The following ATXN7L1 variants were observed in gnomAD, a reference collection of about 807,000 sequenced individuals.
ATXN7L1 encodes ataxin 7 like 1, also known as ataxin-7-like protein 1.
A neutral mutation model predicts 70.8 loss-of-function variants in ATXN7L1; 15 were observed. That is an observed-to-expected ratio of 0.21 (90% CI 0.14 to 0.33). The LOEUF (loss-of-function observed/expected upper bound fraction) is 0.33, where lower values mean the gene tolerates loss of function less well. ATXN7L1 is among the 10% of genes least tolerant of loss of function. The pLI, the probability that ATXN7L1 is intolerant of heterozygous loss-of-function variation, is 1.00. For missense variants in ATXN7L1, 975 were observed against 1,097.1 expected, an observed-to-expected ratio of 0.89 and a Z score of 1.57; for synonymous variants, 440 against 445.1, an observed-to-expected ratio of 0.99 and a Z score of 0.14.
intron 10 of ATXN7L1, 95 bp from the exon 11 acceptor site, chr7:105,610,698 A>C (rs1793068728): frequency 2.9e-6 from 3 of 1,021,144 alleles, no homozygotes; most frequent in South Asian, 1.5e-5. Flanking sequence ...AGGGCTGCAC[A>C]ATGCCTCCTT....
intron 2 of ATXN7L1, among the ~76,000 whole-genome samples, chr7:105,854,390 T>C (rs747237278): frequency 2.0e-5 from 3 of 150,394 alleles, no homozygotes; most frequent in Non-Finnish European, 4.4e-5. Flanking sequence ...TGAGCGTCTG[T>C]CAGGGGCTGA....
intron 3 of ATXN7L1, among the ~76,000 whole-genome samples, chr7:105,780,942 T>C (rs942573833): frequency 6.6e-6 from 1 of 152,132 alleles, no homozygotes. Context: ...AAGCATGAAA[T>C]ACAGTATAAT....
intron 3 of ATXN7L1, among the ~76,000 whole-genome samples, chr7:105,696,940 G>A (rs1359028937): frequency 6.6e-6 from 1 of 152,140 alleles, no homozygotes; most frequent in African/African-American, 2.4e-5. Context: ...ACGTTGGTAG[G>A]ATCCGTGATG....
chr7:105,841,918 A>G (rs1209415603), intron 2 of ATXN7L1, among the ~76,000 whole-genome samples: 1 of 152,172 alleles, frequency 6.6e-6, no homozygotes, highest in Non-Finnish European at 1.5e-5. Flanking sequence ...CCTAGCACAT[A>G]GTGGGTACTT....
intron 2 of ATXN7L1, among the ~76,000 whole-genome samples, chr7:105,858,103 T>G (rs1462233194): frequency 6.6e-6 from 1 of 152,042 alleles, no homozygotes; most frequent in Non-Finnish European, 1.5e-5. Context: ...TGGTAGTATG[T>G]GCCTGTAGCC....
intron 7 of ATXN7L1, among the ~76,000 whole-genome samples, chr7:105,624,748 G>C (rs1463298266): frequency 4.6e-5 from 7 of 151,982 alleles, no homozygotes; most frequent in Non-Finnish European, 1.0e-4. Flanking sequence ...AAGGCTGAAG[G>C]GTTTGCAGTG....
intron 2 of ATXN7L1, among the ~76,000 whole-genome samples, chr7:105,837,223 T>C (rs1478748237): frequency 6.6e-6 from 1 of 152,036 alleles, no homozygotes; most frequent in Non-Finnish European, 1.5e-5. Flanking sequence ...AGGCCCCACC[T>C]CCAACACTGA....
intron 3 of ATXN7L1, among the ~76,000 whole-genome samples, chr7:105,750,113 A>G (rs3601): frequency 0.28 from 42,949 of 151,602 alleles, 7,270 homozygotes; most frequent in Non-Finnish European, 0.37. Flanking sequence ...TGTAGACTGC[A>G]GGCACTTTAG....
intron 3 of ATXN7L1, among the ~76,000 whole-genome samples, chr7:105,723,644 G>A (rs1296296616): frequency 1.3e-5 from 2 of 152,208 alleles, no homozygotes. Context: ...TGCACTTTGT[G>A]TCAAAGCCCA....
intron 3 of ATXN7L1, among the ~76,000 whole-genome samples, chr7:105,752,829 G>A (rs747324038): frequency 6.6e-6 from 1 of 152,160 alleles, no homozygotes; most frequent in Non-Finnish European, 1.5e-5. Flanking sequence ...CCTCAACACA[G>A]TGGCCGCACC....
At chr7:105,633,444 G>A (rs1235699899) in intron 7 of ATXN7L1, among the ~76,000 whole-genome samples, 1 of 152,164 alleles carries the variant, frequency 6.6e-6, no homozygotes, top group Non-Finnish European at 1.5e-5. Flanking sequence ...CAGGCTGGGT[G>A]CGGTGGCTCA....
intron 3 of ATXN7L1, among the ~76,000 whole-genome samples, chr7:105,692,390 C>CT (rs1791024446): frequency 8.9e-6 from 1 of 112,190 alleles, no homozygotes; most frequent in Non-Finnish European, 1.8e-5. Context: ...TCCTTCCTTC[C>CT]TTCCTTCCTT....
intron 2 of ATXN7L1, among the ~76,000 whole-genome samples, chr7:105,838,283 T>C (rs1316002449): frequency 1.3e-5 from 2 of 152,228 alleles, no homozygotes; most frequent in Admixed American, 1.3e-4. Flanking sequence ...CTGAGCATGC[T>C]GCCAGGAGCC....
intron 3 of ATXN7L1, among the ~76,000 whole-genome samples, chr7:105,727,889 G>A (rs1220729269): frequency 1.3e-5 from 2 of 149,860 alleles, no homozygotes; most frequent in East Asian, 3.9e-4. Context: ...TGTTTGGACA[G>A]ACACATCCCA....
chr7:105,758,589 G>GC (rs1273192655), intron 3 of ATXN7L1, among the ~76,000 whole-genome samples: 3 of 152,182 alleles, frequency 2.0e-5, no homozygotes, highest in Non-Finnish European at 2.9e-5. Context: ...TGGCTCTGTG[G>GC]CCCCCTGCCA....
At chr7:105,700,168 T>C (rs181737814) in intron 3 of ATXN7L1, among the ~76,000 whole-genome samples, 42 of 152,214 alleles carry the variant, frequency 2.8e-4, no homozygotes, top group African/African-American at 8.9e-4. Context: ...ATGTTTTCTT[T>C]TGTGAAAGGA....
At chr7:105,740,768 C>CTTTTTTTTTTTTTT (rs1563055385) in intron 3 of ATXN7L1, among the ~76,000 whole-genome samples, 1 of 98,244 alleles carries the variant, frequency 1.0e-5, no homozygotes, top group Non-Finnish European at 1.8e-5. Context: ...TGGCTCCATT[C>CTTTTTTTTTTTTTT]ATTTTTTTTT....
rs141129815 is a variant in ATXN7L1, at chr7:105,868,698, T to C, written c.250+7114A>G. ...GGGATGGGGTGGGAGGGAGACTTAC[T>C]TTCCACTTGGATAGCCTTTTGAATT... On this transcript the variant is annotated intron_variant, in intron 2 of 11. Coordinates refer to ENST00000419735, the MANE Select transcript of ATXN7L1 (RefSeq NM_020725.2). Among the ~76,000 whole-genome samples, 7 of 152,374 alleles carry C rather than the reference T, an allele frequency of 4.6e-5. No individual in the cohort carries two copies. In the East Asian group the frequency reaches 1.2e-3, roughly 25 times the overall value.
chr7:105,620,120 T>C (rs1033268248), intron 9 of ATXN7L1, 80 bp downstream of exon 9: 2 of 1,496,906 alleles, frequency 1.3e-6, no homozygotes, highest in Admixed American at 4.1e-5. Flanking sequence ...AGTCAGCCAC[T>C]GACATTTATT....
Sources: gnomAD v4.1 joint callset for allele counts (sites outside exome capture counted in the v4.1 genomes callset) on GRCh38, gnomAD v4.1.1 for gene constraint, MANE v1.5 for transcripts, NCBI Gene and HGNC (gene_info 2026-07-23, HGNC 2026-07-21) for gene names.